Variants in DPP10 observed in about 807,000 individuals in gnomAD.
DPP10 encodes dipeptidyl peptidase like 10.
In DPP10, 33 loss-of-function variants were observed where a neutral mutation model predicts 120.9. The observed-to-expected ratio is 0.27, with a 90% CI of 0.21 to 0.37. DPP10 has a LOEUF of 0.37. Ranked by LOEUF, DPP10 falls within the 10% of genes least tolerant of loss-of-function variation. The pLI, the probability that DPP10 is intolerant of heterozygous loss-of-function variation, is 1.00. For missense variants in DPP10, 816 were observed against 942.8 expected, an observed-to-expected ratio of 0.87 and a Z score of 1.76; for synonymous variants, 337 against 326.1, an observed-to-expected ratio of 1.03 and a Z score of -0.36.
At chr2:115,309,383 G>T (rs1354194346) in intron 2 of DPP10, 30 bp downstream of exon 2, 1 of 1,591,826 alleles carries the variant, frequency 6.3e-7, no homozygotes, top group Admixed American at 1.7e-5. Context: ...CTCTTATGAT[G>T]GATGGTATTG....
intron 1 of DPP10, among the ~76,000 whole-genome samples, chr2:114,679,073 C>T (rs1326820186): frequency 1.3e-5 from 2 of 151,994 alleles, no homozygotes; most frequent in African/African-American, 2.4e-5. Flanking sequence ...ATATTGTCCA[C>T]GGAGCTGGAA....
At chr2:115,570,521 A>G (rs1197811252) in intron 5 of DPP10, among the ~76,000 whole-genome samples, 3 of 152,284 alleles carry the variant, frequency 2.0e-5, no homozygotes, top group South Asian at 2.1e-4. Flanking sequence ...TTTTGTGTGA[A>G]GTTTGGAATC....
chr2:114,665,882 C>T (rs1357047916), intron 1 of DPP10, among the ~76,000 whole-genome samples: 1 of 152,174 alleles, frequency 6.6e-6, no homozygotes, highest in Non-Finnish European at 1.5e-5. Flanking sequence ...GTTAGTTTTG[C>T]TCCAGTAGCC....
intron 1 of DPP10, among the ~76,000 whole-genome samples, chr2:114,860,294 A>G (rs987402342): frequency 3.3e-5 from 5 of 152,152 alleles, no homozygotes; most frequent in African/African-American, 1.2e-4. Context: ...CTGAGTATCT[A>G]CCATATGCCA....
At chr2:115,659,462 T>A (rs1313229394) in intron 5 of DPP10, among the ~76,000 whole-genome samples, 1 of 152,030 alleles carries the variant, frequency 6.6e-6, no homozygotes, top group Non-Finnish European at 1.5e-5. Context: ...CCAGATAGAG[T>A]TAACCTTAAT....
chr2:115,637,171 A>G (rs2086406965), intron 5 of DPP10, among the ~76,000 whole-genome samples: 1 of 152,192 alleles, frequency 6.6e-6, no homozygotes, highest in South Asian at 2.1e-4. Flanking sequence ...ACAAAAAGAA[A>G]TTATGAGCAA....
chr2:115,311,410 T>C (rs191051471), intron 2 of DPP10, among the ~76,000 whole-genome samples: 3 of 152,308 alleles, frequency 2.0e-5, no homozygotes, highest in Admixed American at 2.0e-4. Context: ...AGCAGTGTTA[T>C]ATAAAGAATG....
At chr2:115,033,918 A>G (rs6748970) in intron 1 of DPP10, among the ~76,000 whole-genome samples, 3,700 of 44,316 alleles carry the variant, frequency 0.083, 204 homozygotes, top group African/African-American at 0.23. Flanking sequence ...TTTTTTTTTG[A>G]GACGGAGTCT....
At chr2:115,140,014 G>GCT (rs1217680585) in intron 1 of DPP10, among the ~76,000 whole-genome samples, 16 of 152,188 alleles carry the variant, frequency 1.1e-4, no homozygotes, top group African/African-American at 3.4e-4. Context: ...GGTACTTAGG[G>GCT]CATGAACGTG....
intron 1 of DPP10, among the ~76,000 whole-genome samples, chr2:115,111,030 T>A (rs1462348496): frequency 6.6e-6 from 1 of 152,178 alleles, no homozygotes; most frequent in Non-Finnish European, 1.5e-5. Context: ...ATTATGTGAA[T>A]ATGCAAACCA....
rs1028509185 is a variant in DPP10 at position 115,381,810 on chromosome 2, C to T, written c.271+37898C>T. 3.3e-5 allele frequency among the ~76,000 whole-genome samples: 5 copies of T among 151,130 alleles called. No individual in the cohort carries two copies. The East Asian group carries it at 8.0e-4, about 24-fold the overall frequency. ...GCTGCAGGTCTGTTGGAGTACCCGG[C>T]CCTGTGAAGTGTCAGTCTGCCCCTG... On this transcript the variant is annotated intron_variant, in intron 3 of 25. Coordinates refer to ENST00000410059, the MANE Select transcript of DPP10 (RefSeq NM_020868.6).
At chr2:115,135,685 T>C (rs1252087590) in intron 1 of DPP10, among the ~76,000 whole-genome samples, 1 of 152,194 alleles carries the variant, frequency 6.6e-6, no homozygotes, top group Admixed American at 6.5e-5. Flanking sequence ...TTTTTGGTTC[T>C]TGTAGTGAAT....
At chr2:115,425,642 C>T (rs1354795628) in intron 3 of DPP10, among the ~76,000 whole-genome samples, 1 of 152,142 alleles carries the variant, frequency 6.6e-6, no homozygotes. Flanking sequence ...ATTAACTCAA[C>T]CATTTTTCAT....
intron 5 of DPP10, among the ~76,000 whole-genome samples, chr2:115,629,284 A>C (rs2085639809): frequency 6.6e-6 from 1 of 152,228 alleles, no homozygotes; most frequent in East Asian, 1.9e-4. Context: ...ATACGTGTGC[A>C]TGTGTCTTTA....
At chr2:115,806,178 A>G (rs768393689) in intron 19 of DPP10, among the ~76,000 whole-genome samples, 16 of 152,242 alleles carry the variant, frequency 1.1e-4, no homozygotes, top group Non-Finnish European at 2.1e-4. Context: ...CCTTAAATTT[A>G]TAATCTTATT....
chr2:115,475,161 T>C (rs1270413111), intron 3 of DPP10, among the ~76,000 whole-genome samples: 1 of 150,636 alleles, frequency 6.6e-6, no homozygotes, highest in East Asian at 2.0e-4. Flanking sequence ...GCAGTACTTC[T>C]CCTCACAGGC....
intron 1 of DPP10, among the ~76,000 whole-genome samples, chr2:114,484,161 C>G (rs1399840214): frequency 6.6e-6 from 1 of 152,142 alleles, no homozygotes; most frequent in Non-Finnish European, 1.5e-5. Flanking sequence ...TGAGCCTGTT[C>G]AATACCTAAG....
chr2:115,641,449 T>C (rs1486084522), intron 5 of DPP10, among the ~76,000 whole-genome samples: 2 of 152,206 alleles, frequency 1.3e-5, no homozygotes, highest in Non-Finnish European at 2.9e-5. Flanking sequence ...TCTTTGTCTC[T>C]GCTCTTCCCG....
chr2:115,410,708 G>A (rs772676989), intron 3 of DPP10, among the ~76,000 whole-genome samples: 1 of 152,152 alleles, frequency 6.6e-6, no homozygotes, highest in Non-Finnish European at 1.5e-5. Flanking sequence ...ACTACACATT[G>A]GGTGCAGTTT....
Sources: gnomAD v4.1 joint callset for allele counts (sites outside exome capture counted in the v4.1 genomes callset) on GRCh38, gnomAD v4.1.1 for gene constraint, MANE v1.5 for transcripts, NCBI Gene and HGNC (gene_info 2026-07-23, HGNC 2026-07-21) for gene names.